FARP1: variants seen among roughly 807,000 people sequenced by gnomAD.
FARP1 encodes the protein FERM, ARH/RhoGEF and pleckstrin domain protein 1.
A neutral mutation model predicts 128.8 loss-of-function variants in FARP1; 52 were observed. The ratio of observed to expected loss-of-function variants is 0.40; its 90% CI spans 0.32 to 0.51. The LOEUF (loss-of-function observed/expected upper bound fraction) is 0.51. Ranked by LOEUF, FARP1 falls within the 20% of genes least tolerant of loss-of-function variation. The pLI is 0.45. For synonymous variants in FARP1, 580 were observed against 551.8 expected (o/e 1.05, Z -0.72); for missense variants, 1,333 against 1,367.9 (o/e 0.97, Z 0.40).
At chr13:98,219,814 C>T (rs1881307859) in intron 2 of FARP1, among the ~76,000 whole-genome samples, 2 of 152,050 alleles carry the variant, frequency 1.3e-5, no homozygotes, top group Admixed American at 1.3e-4. Flanking sequence ...TACAGGCACG[C>T]ATCACCACAC....
At chr13:98,383,205 T>A (rs1889957432) in intron 6 of FARP1, among the ~76,000 whole-genome samples, 1 of 152,146 alleles carries the variant, frequency 6.6e-6, no homozygotes, top group Non-Finnish European at 1.5e-5. Flanking sequence ...ATAGAAGGAA[T>A]TGCAGAGAAG....
chr13:98,216,685 C>G (rs1046334801), intron 2 of FARP1, among the ~76,000 whole-genome samples: 6 of 152,168 alleles, frequency 3.9e-5, no homozygotes, highest in African/African-American at 1.4e-4. Flanking sequence ...TGTCTCCGTC[C>G]TTCTTTGTAC....
chr13:98,184,220 C>T (rs1260275582), intron 1 of FARP1, among the ~76,000 whole-genome samples: 1 of 151,854 alleles, frequency 6.6e-6, no homozygotes, highest in South Asian at 2.1e-4. Context: ...TGGGTTCAAG[C>T]GATTCTCCTG....
At chr13:98,421,671 A>C (rs1891599262) in intron 16 of FARP1, among the ~76,000 whole-genome samples, 1 of 152,140 alleles carries the variant, frequency 6.6e-6, no homozygotes. Context: ...CAGCTTTGAC[A>C]AAATAGTGAG....
chr13:98,395,398 G>A lies in FARP1; in HGVS notation c.1336G>A (p.Ala446Thr), dbSNP rs1365677540. ...CAAGCAGGCGGACGGAGCCGCCTCG[G>A]CGCCCACGGAGGAAGAGGAGGAGGT... ...GNKQADGAASAPTEEEEEVVK... is the reference protein window; with the variant it reads ...GNKQADGAASTPTEEEEEVVK... The change falls in exon 13 of 27, where the codon GCG becomes ACG. Residue 446 changes from alanine to threonine, a missense_variant. Around this residue, in one of 2 missense-constraint regions of FARP1, gnomAD observed 1,009 missense variants for 969.8 expected, o/e 1.04. Transcript: ENST00000319562. The A allele has an allele frequency of 4.3e-6, 7 of 1,611,482 alleles. No homozygotes were observed. Among genetic ancestry groups the A allele is most frequent in the Non-Finnish European group, 5.9e-6 (7 of 1,178,942 alleles).
intron 1 of FARP1, among the ~76,000 whole-genome samples, chr13:98,162,075 G>T (rs1048145489): frequency 1.4e-4 from 21 of 152,198 alleles, no homozygotes; most frequent in South Asian, 6.2e-4. Context: ...ACTGTGCCTG[G>T]CTCTTCCTGT....
chr13:98,397,337 C>T (rs58029413), intron 13 of FARP1: 1 of 152,284 alleles, frequency 6.6e-6, no homozygotes, highest in East Asian at 1.9e-4. Context: ...AAATGCCTGC[C>T]TTTGAATTGT....
At chr13:98,226,357 A>G (rs1824847992) in intron 2 of FARP1, among the ~76,000 whole-genome samples, 4 of 152,156 alleles carry the variant, frequency 2.6e-5, no homozygotes, top group Admixed American at 2.0e-4. Context: ...CCCTTTCGTA[A>G]GGACATGGTC....
At chr13:98,282,942 C>G (rs866180448) in intron 2 of FARP1, among the ~76,000 whole-genome samples, 1 of 152,170 alleles carries the variant, frequency 6.6e-6, no homozygotes, top group Non-Finnish European at 1.5e-5. Context: ...GGAAAATTCT[C>G]TCCTGTCAAA....
intron 1 of FARP1, among the ~76,000 whole-genome samples, chr13:98,145,777 G>A (rs1271204186): frequency 6.7e-6 from 1 of 150,102 alleles, no homozygotes; most frequent in East Asian, 2.0e-4. Context: ...CAGGAGAATC[G>A]CCTGAACCCA....
intron 8 of FARP1, 73 bp downstream of exon 8, chr13:98,385,887 C>A: frequency 1.3e-6 from 2 of 1,495,192 alleles, no homozygotes; most frequent in South Asian, 2.3e-5. Flanking sequence ...AACTCTGATT[C>A]ATATTCAGTG....
rs554021081 is a variant in FARP1 at position 98,174,389 on chromosome 13, G to A, written c.-24+30897G>A. ...TACATGAAGCATTGTAAAGAAACTC[G>A]AGTGAGCCTTGGGAGAAAAATCCTG... On this transcript the variant is annotated intron_variant, in intron 1 of 26. Transcript: ENST00000319562. Among the ~76,000 whole-genome samples, 9 of 152,292 alleles carry A rather than the reference G, an allele frequency of 5.9e-5. No homozygotes were observed. The South Asian group carries it at 6.2e-4, about 11-fold the overall frequency.
At chr13:98,251,890 G>T (rs1284632819) in intron 2 of FARP1, among the ~76,000 whole-genome samples, 1 of 152,098 alleles carries the variant, frequency 6.6e-6, no homozygotes, top group East Asian at 1.9e-4. Flanking sequence ...TCACTCTGTT[G>T]CCCAGGGTGT....
chr13:98,292,942 A>T (rs1441085861), intron 2 of FARP1, among the ~76,000 whole-genome samples: 1 of 152,184 alleles, frequency 6.6e-6, no homozygotes. Context: ...TAAGACACTT[A>T]CATAGAAAAT....
rs76419377 is a variant in FARP1 at position 98,390,981 on chromosome 13, G to C, written c.1088+101G>C. 361 of 807,946 alleles carry C rather than the reference G, an allele frequency of 4.5e-4. 2 individuals carry two copies. The East Asian group carries it at 8.3e-3, about 19-fold the overall frequency. 50.0% of individuals were successfully genotyped at this position (807,946 alleles called of 1,614,324 possible). ...ATTTCTTTACCCAGACTTCAGACTTGATGTCCCTTGAGTTGTAAATGATAG... is the reference window on the plus strand; with the variant it reads ...ATTTCTTTACCCAGACTTCAGACTTCATGTCCCTTGAGTTGTAAATGATAG... On this transcript the variant is annotated intron_variant, in intron 11 of 26. Transcript: ENST00000319562.
At chr13:98,158,196 A>T (rs1169969316) in intron 1 of FARP1, among the ~76,000 whole-genome samples, 1 of 152,188 alleles carries the variant, frequency 6.6e-6, no homozygotes, top group African/African-American at 2.4e-5. Context: ...TAATTACCAA[A>T]CCATGTTATT....
intron 2 of FARP1, among the ~76,000 whole-genome samples, chr13:98,314,260 ATTATATT>A (rs1886619410): frequency 8.1e-6 from 1 of 123,850 alleles, no homozygotes; most frequent in Admixed American, 8.1e-5. Context: ...AGCAACATTT[ATTATATT>A]TTATGTCTTT....
chr13:98,370,162 A>G (rs1001112671), intron 5 of FARP1, among the ~76,000 whole-genome samples: 7 of 152,214 alleles, frequency 4.6e-5, no homozygotes, highest in Admixed American at 3.9e-4. Context: ...CTCTTGAGGA[A>G]GTGAGAAGGA....
intron 2 of FARP1, among the ~76,000 whole-genome samples, chr13:98,326,574 A>G (rs1159884880): frequency 6.6e-6 from 1 of 152,112 alleles, no homozygotes; most frequent in Admixed American, 6.6e-5. Context: ...CTCCTGATTC[A>G]CTACAATTGG....
Sources: gnomAD v4.1 joint callset for allele counts (sites outside exome capture counted in the v4.1 genomes callset) on GRCh38, gnomAD v4.1.1 for gene constraint, gnomAD v4.1.1 regional missense constraint, MANE v1.5 for transcripts, NCBI Gene and HGNC (gene_info 2026-07-23, HGNC 2026-07-21) for gene names.